The following ASIC2 variants were observed in gnomAD, a reference collection of about 807,000 sequenced individuals.
The protein encoded by ASIC2 is acid sensing ion channel subunit 2, also known as acid-sensing ion channel 2.
A neutral mutation model predicts 57.3 loss-of-function variants in ASIC2; 25 were observed. The ratio of observed to expected loss-of-function variants is 0.44; its 90% CI spans 0.32 to 0.61. The LOEUF (loss-of-function observed/expected upper bound fraction) is 0.61, where lower values mean the gene tolerates loss of function less well. ASIC2 is among the 20% of genes least tolerant of loss of function. The pLI, the probability that ASIC2 is intolerant of heterozygous loss-of-function variation, is 0.06. For missense variants in ASIC2, 641 were observed against 738.1 expected, an observed-to-expected ratio of 0.87 and a Z score of 1.52; for synonymous variants, 319 against 307.5, an observed-to-expected ratio of 1.04 and a Z score of -0.39.
chr17:33,340,105 A>C (rs558211849), intron 1 of ASIC2, among the ~76,000 whole-genome samples: 1 of 152,248 alleles, frequency 6.6e-6, no homozygotes, highest in Non-Finnish European at 1.5e-5. Flanking sequence ...TACATAACCA[A>C]TTGCCACAAA....
chr17:33,962,038 C>T (rs1904940693), intron 1 of ASIC2, among the ~76,000 whole-genome samples: 1 of 152,156 alleles, frequency 6.6e-6, no homozygotes, highest in Non-Finnish European at 1.5e-5. Flanking sequence ...ACGGCAGTTC[C>T]TTCTTCTAAC....
intron 1 of ASIC2, among the ~76,000 whole-genome samples, chr17:33,995,632 G>A (rs908474968): frequency 5.9e-5 from 9 of 151,654 alleles, no homozygotes; most frequent in Non-Finnish European, 1.2e-4. Flanking sequence ...ACATACACAC[G>A]CATATAAACC....
intron 1 of ASIC2, among the ~76,000 whole-genome samples, chr17:33,647,607 T>A (rs1310047798): frequency 6.6e-6 from 1 of 152,220 alleles, no homozygotes; most frequent in Non-Finnish European, 1.5e-5. Flanking sequence ...CTGCTGCTTG[T>A]GTGTGTTCAC....
At chr17:33,338,346 AG>A (rs139945176) in intron 1 of ASIC2, among the ~76,000 whole-genome samples, 14,435 of 152,202 alleles carry the variant, frequency 0.095, 734 homozygotes, top group Middle Eastern at 0.17. Context: ...TGGGTAAGAC[AG>A]GGGAGACAGT....
At chr17:33,835,609 A>C (rs1259720154) in intron 1 of ASIC2, among the ~76,000 whole-genome samples, 1 of 152,152 alleles carries the variant, frequency 6.6e-6, no homozygotes, top group African/African-American at 2.4e-5. Context: ...TCACACAGAT[A>C]ATTTCTAATG....
intron 2 of ASIC2, among the ~76,000 whole-genome samples, chr17:33,095,899 C>A (rs562151684): frequency 1.3e-5 from 2 of 152,214 alleles, no homozygotes; most frequent in African/African-American, 2.4e-5. Flanking sequence ...TATGATCAGA[C>A]AAATGGGCCT....
At chr17:33,684,679 T>C (rs115378727) in intron 1 of ASIC2, among the ~76,000 whole-genome samples, 1,934 of 152,320 alleles carry the variant, frequency 0.013, 49 homozygotes, top group African/African-American at 0.043. Flanking sequence ...GTCATTATCT[T>C]TTTTAGATTC....
intron 1 of ASIC2, among the ~76,000 whole-genome samples, chr17:33,285,314 A>T (rs1255278385): frequency 6.6e-6 from 1 of 152,198 alleles, no homozygotes; most frequent in Non-Finnish European, 1.5e-5. Flanking sequence ...TAACTGGTGG[A>T]GGTCTTTTCA....
intron 1 of ASIC2, among the ~76,000 whole-genome samples, chr17:33,288,536 A>G (rs1905284752): frequency 6.6e-6 from 1 of 152,130 alleles, no homozygotes; most frequent in African/African-American, 2.4e-5. Context: ...AAAGGTTTGA[A>G]GAAGGGAAAC....
At chr17:33,747,246 G>A (rs1036033849) in intron 1 of ASIC2, among the ~76,000 whole-genome samples, 1 of 125,780 alleles carries the variant, frequency 8.0e-6, no homozygotes, top group Non-Finnish European at 1.6e-5. Flanking sequence ...TTTTTTTTGA[G>A]ATGGTCTAGC....
chr17:33,112,998 T>G (rs1436443215), intron 1 of ASIC2, among the ~76,000 whole-genome samples: 1 of 152,158 alleles, frequency 6.6e-6, no homozygotes, highest in Non-Finnish European at 1.5e-5. Context: ...TCCAGCAGCA[T>G]CCACTGGAAG....
chr17:34,108,566 C>T lies in ASIC2; in HGVS notation c.555+47412G>A, dbSNP rs1357543238. 5.9e-5 allele frequency among the ~76,000 whole-genome samples: 9 copies of T among 152,102 alleles called. No homozygotes were observed. The East Asian group carries it at 1.4e-3, about 23-fold the overall frequency. Reference sequence around the variant, plus strand: ...ATGATATTTACGTTATATGGTGTATCGTGGTGAACACTCCTCGTACATTTG... The same window carrying T: ...ATGATATTTACGTTATATGGTGTATTGTGGTGAACACTCCTCGTACATTTG... On this transcript the variant is annotated intron_variant, in intron 1 of 9. Coordinates refer to the ASIC2 transcript ENST00000359872.
At chr17:33,150,023 A>T (rs1394656567) in intron 1 of ASIC2, among the ~76,000 whole-genome samples, 1 of 152,232 alleles carries the variant, frequency 6.6e-6, no homozygotes, top group Non-Finnish European at 1.5e-5. Flanking sequence ...ATAAGTTCAG[A>T]TGCTCATTAA....
intron 1 of ASIC2, among the ~76,000 whole-genome samples, chr17:34,126,899 T>C (rs890771235): frequency 5.9e-5 from 9 of 152,058 alleles, no homozygotes; most frequent in Non-Finnish European, 8.8e-5. Context: ...ATGTGCTGAG[T>C]AGCCCGGGCA....
chr17:33,633,632 G>T (rs1432328541), intron 1 of ASIC2, among the ~76,000 whole-genome samples: 2 of 152,196 alleles, frequency 1.3e-5, no homozygotes, highest in Non-Finnish European at 2.9e-5. Context: ...CAAAAAACAG[G>T]TGGGTGTTTC....
At chr17:33,521,244 C>T (rs930836927) in intron 1 of ASIC2, among the ~76,000 whole-genome samples, 1 of 152,056 alleles carries the variant, frequency 6.6e-6, no homozygotes, top group African/African-American at 2.4e-5. Context: ...TCAACACTGT[C>T]GTCGGCCAAG....
chr17:33,863,432 TG>T (rs1396494824), intron 1 of ASIC2, among the ~76,000 whole-genome samples: 1 of 152,324 alleles, frequency 6.6e-6, no homozygotes, highest in Non-Finnish European at 1.5e-5. Context: ...ACTAAAACAC[TG>T]GGGAGCACTG....
At chr17:33,825,412 CAG>C (rs1326170386) in intron 1 of ASIC2, among the ~76,000 whole-genome samples, 3 of 152,198 alleles carry the variant, frequency 2.0e-5, no homozygotes, top group Non-Finnish European at 4.4e-5. Context: ...GAGCCAGAGA[CAG>C]AGTCCTGTGA....
chr17:34,142,503 C>T (rs534622426), intron 1 of ASIC2, among the ~76,000 whole-genome samples: 1 of 152,186 alleles, frequency 6.6e-6, no homozygotes, highest in Non-Finnish European at 1.5e-5. Flanking sequence ...TTAATTCTCC[C>T]CAAATCTAAT....
Sources: gnomAD v4.1 joint callset for allele counts (sites outside exome capture counted in the v4.1 genomes callset) on GRCh38, gnomAD v4.1.1 for gene constraint, MANE v1.5 for transcripts, NCBI Gene and HGNC (gene_info 2026-07-23, HGNC 2026-07-21) for gene names.